Variants in DRC2 observed in about 807,000 individuals in gnomAD.
DRC2 encodes coiled-coil domain containing 65.
chr12:48,917,448 A>G, the DRC2 span, among the ~76,000 whole-genome samples: 1 of 152,058 alleles, frequency 6.6e-6, no homozygotes, highest in African/African-American at 2.4e-5. Flanking sequence ...TGGGTGACAG[A>G]GCGAGACCCT....
the DRC2 span, among the ~76,000 whole-genome samples, chr12:48,908,360 G>A: frequency 8.6e-5 from 13 of 151,986 alleles, 1 homozygote; most frequent in Admixed American, 7.9e-4. Context: ...GTCCATCCTA[G>A]ATTTTGCATC....
At chr12:48,916,847 T>C in the DRC2 span, 1 of 855,816 alleles carries the variant, frequency 1.2e-6, no homozygotes, top group East Asian at 2.7e-5. Context: ...CTTCCCTCTC[T>C]CTTTTCTCCA....
chr12:48,905,395 C>T, the DRC2 span, among the ~76,000 whole-genome samples: 45 of 152,200 alleles, frequency 3.0e-4, no homozygotes, highest in African/African-American at 9.2e-4. Flanking sequence ...GAAATGAGTC[C>T]CACACCTTCA....
chr12:48,913,131 C>T, the DRC2 span, among the ~76,000 whole-genome samples: 3 of 65,628 alleles, frequency 4.6e-5, no homozygotes, highest in Non-Finnish European at 8.3e-5. Flanking sequence ...AAGACTCCGT[C>T]TCAAAAAAAA....
At chr12:48,919,699 G>A in the DRC2 span, among the ~76,000 whole-genome samples, 2 of 151,802 alleles carry the variant, frequency 1.3e-5, no homozygotes, top group Non-Finnish European at 2.9e-5. Context: ...TGTATTTTTA[G>A]TGGAGACAGG....
At chr12:48,915,803 C>A in the DRC2 span, among the ~76,000 whole-genome samples, 4 of 150,996 alleles carry the variant, frequency 2.6e-5, no homozygotes, top group Non-Finnish European at 5.9e-5. Flanking sequence ...CCCTCCCGGA[C>A]GGGGTGGCTG....
the DRC2 span, chr12:48,921,194 GA>G: frequency 6.2e-7 from 1 of 1,614,174 alleles, no homozygotes. Context: ...TAGGAATGGA[GA>G]ATTTCTGGAA....
the DRC2 span, chr12:48,917,019 A>G: frequency 1.2e-6 from 2 of 1,614,144 alleles, no homozygotes; most frequent in African/African-American, 1.3e-5. Flanking sequence ...TCTGCAAGAT[A>G]TCTTCATGGC....
At chr12:48,918,810 A>G in the DRC2 span, 597,753 of 1,613,438 alleles carry the variant, frequency 0.37, 115,390 homozygotes, top group Admixed American at 0.52. Context: ...AGGCCCAAAG[A>G]ACTCAGGCCC....
chr12:48,908,063 C>T, the DRC2 span, among the ~76,000 whole-genome samples: 15 of 152,102 alleles, frequency 9.9e-5, no homozygotes, highest in Non-Finnish European at 1.6e-4. Flanking sequence ...CCCACCTGAG[C>T]AGTTGGGACT....
At chr12:48,904,826 A>G in the DRC2 span, 1 of 811,464 alleles carries the variant, frequency 1.2e-6, no homozygotes, top group Non-Finnish European at 1.9e-6. Flanking sequence ...CCCTCCCTAA[A>G]TGCCATCAGG....
the DRC2 span, among the ~76,000 whole-genome samples, chr12:48,907,107 C>T: frequency 1.3e-5 from 2 of 151,778 alleles, no homozygotes; most frequent in South Asian, 2.1e-4. Flanking sequence ...CCCAGCTACT[C>T]GGGAGGCTGA....
chr12:48,918,002 G>A, the DRC2 span: 1 of 385,366 alleles, frequency 2.6e-6, no homozygotes, highest in Non-Finnish European at 4.7e-6. Context: ...TGGCAACACT[G>A]GGCCACATTT....
chr12:48,914,641 T>C, the DRC2 span: 2 of 1,486,004 alleles, frequency 1.3e-6, no homozygotes, highest in Non-Finnish European at 1.8e-6. Context: ...GTCAAGGAGT[T>C]GCCTGTAAGC....
the DRC2 span, among the ~76,000 whole-genome samples, chr12:48,917,473 A>G: frequency 6.6e-6 from 1 of 151,880 alleles, no homozygotes; most frequent in East Asian, 1.9e-4. Context: ...CAAAAAAATT[A>G]AAAAAAGAAA....
At chr12:48,916,268 T>C in the DRC2 span, among the ~76,000 whole-genome samples, 1 of 152,092 alleles carries the variant, frequency 6.6e-6, no homozygotes, top group Admixed American at 6.6e-5. Context: ...GTGGAGGTTG[T>C]AGCGAGCCGA....
chr12:48,913,406 C>T, the DRC2 span, among the ~76,000 whole-genome samples: 1 of 151,718 alleles, frequency 6.6e-6, no homozygotes, highest in Admixed American at 6.6e-5. Flanking sequence ...CGGGTTCAAG[C>T]GATTTTCCCG....
the DRC2 span, chr12:48,914,469 C>T: frequency 1.2e-6 from 2 of 1,614,192 alleles, no homozygotes; most frequent in Non-Finnish European, 1.7e-6. Flanking sequence ...GCCACTTGCA[C>T]AATGTTGACC....
chr12:48,920,458 A>G, the DRC2 span, among the ~76,000 whole-genome samples: 1 of 149,026 alleles, frequency 6.7e-6, no homozygotes, highest in Non-Finnish European at 1.5e-5. Flanking sequence ...AAAAAAAAAA[A>G]AAAAAAAAAG....
Sources: allele counts gnomAD v4.1 joint callset (sites outside exome capture counted in the v4.1 genomes callset), GRCh38; gene constraint gnomAD v4.1.1; transcripts MANE v1.5; gene names NCBI Gene and HGNC (gene_info 2026-07-23, HGNC 2026-07-21).